The following SERGEF variants were observed in gnomAD, a reference collection of about 807,000 sequenced individuals.
The protein encoded by SERGEF is secretion-regulating guanine nucleotide exchange factor.
SERGEF carries 51 observed loss-of-function variants against 50.0 expected under a neutral mutation model. The observed-to-expected ratio is 1.02, with a 90% CI of 0.81 to 1.29. SERGEF has a LOEUF of 1.29. SERGEF is among the 50% of genes most tolerant of loss of function. SERGEF has a pLI of 0.00. For missense variants in SERGEF, 521 were observed against 557.0 expected (o/e 0.94, Z 0.65); for synonymous variants, 205 against 212.4 (o/e 0.97, Z 0.30).
chr11:17,974,827 T>C (rs1331970829), intron 8 of SERGEF, among the ~76,000 whole-genome samples: 1 of 152,222 alleles, frequency 6.6e-6, no homozygotes, highest in Non-Finnish European at 1.5e-5. Context: ...CTGATATTAA[T>C]TGGTGCTGTA....
chr11:17,929,945 C>T (rs1179044418), intron 9 of SERGEF, among the ~76,000 whole-genome samples: 2 of 152,166 alleles, frequency 1.3e-5, no homozygotes, highest in Non-Finnish European at 1.5e-5. Flanking sequence ...TCTCCAGTTA[C>T]GAGCACAGAG....
intron 9 of SERGEF, among the ~76,000 whole-genome samples, chr11:17,954,190 C>A (rs1357951899): frequency 6.6e-6 from 1 of 152,184 alleles, no homozygotes; most frequent in Non-Finnish European, 1.5e-5. Context: ...AGGTTGTGTT[C>A]AATTCTGTCA....
chr11:17,798,630 A>G (rs2283250), intron 10 of SERGEF, among the ~76,000 whole-genome samples: 63,866 of 152,134 alleles, frequency 0.42, 15,721 homozygotes, highest in East Asian at 0.72. Context: ...AGGTGGAAAC[A>G]TGTTGGCCTG....
chr11:17,946,602 A>G (rs1005927600), intron 9 of SERGEF, among the ~76,000 whole-genome samples: 1 of 152,178 alleles, frequency 6.6e-6, no homozygotes, highest in African/African-American at 2.4e-5. Context: ...TGATAAATGC[A>G]TTATACAGCA....
chr11:17,817,307 C>T (rs1395730605), intron 10 of SERGEF, among the ~76,000 whole-genome samples: 1 of 151,764 alleles, frequency 6.6e-6, no homozygotes, highest in Non-Finnish European at 1.5e-5. Flanking sequence ...TTCCGCCTCC[C>T]GGGTTCATGC....
chr11:17,981,178 T>C (rs1565222109), intron 8 of SERGEF, among the ~76,000 whole-genome samples: 9 of 152,250 alleles, frequency 5.9e-5, no homozygotes. Flanking sequence ...CTACTAAATA[T>C]TTAGTTGCTC....
At chr11:17,956,912 C>G (rs1189622898) in intron 9 of SERGEF, among the ~76,000 whole-genome samples, 1 of 152,130 alleles carries the variant, frequency 6.6e-6, no homozygotes, top group Non-Finnish European at 1.5e-5. Flanking sequence ...CAAGGTGAAC[C>G]CACTCTTAGT....
At chr11:17,997,709 C>T (rs750813368) in intron 5 of SERGEF, among the ~76,000 whole-genome samples, 18 of 152,138 alleles carry the variant, frequency 1.2e-4, no homozygotes, top group Non-Finnish European at 1.9e-4. Flanking sequence ...AGTATCTAAA[C>T]GCCGATATAT....
In SERGEF at chr11:18,013,018, C is replaced by A. The variant is rs1341455148; in HGVS notation, c.-8G>T. 7.3e-7 allele frequency: 1 copy of A among 1,377,942 alleles called. No individual in the cohort carries two copies. Among genetic ancestry groups the A allele is most frequent in the Non-Finnish European group, 9.3e-7 (1 of 1,076,816 alleles). 85.4% of individuals were successfully genotyped at this position (1,377,942 alleles called of 1,614,324 possible). Reference sequence around the variant, plus strand: ...GCTGGGCTCGCGCTCCATGCGAGGACGCTCCGCCGGCGCTTCCGGGAGGGA... The same window carrying A: ...GCTGGGCTCGCGCTCCATGCGAGGAAGCTCCGCCGGCGCTTCCGGGAGGGA... On this transcript the variant is annotated 5_prime_UTR_variant, in exon 1 of 11. Coordinates refer to ENST00000265965, the MANE Select transcript of SERGEF (RefSeq NM_012139.4). The surrounding 1 kb of genome is among the most constrained non-coding windows in gnomAD (Gnocchi z 4.3).
In SERGEF at chr11:18,006,719, A is replaced by T; in HGVS notation, c.224T>A (p.Leu75Gln). The T allele has an allele frequency of 6.2e-7, 1 of 1,614,208 alleles. No individual in the cohort carries two copies. Among genetic ancestry groups the T allele is most frequent in the East Asian group, 2.2e-5 (1 of 44,886 alleles). ...TDGGDLFVCG[L>Q]NKDGQLGLGH... ...AAGCCCCAGTTGCCCATCTTTGTTCAGGCCACAAACAAAGAGGTCTCCTCC... is the reference window on the plus strand; with the variant it reads ...AAGCCCCAGTTGCCCATCTTTGTTCTGGCCACAAACAAAGAGGTCTCCTCC... Residue 75 changes from leucine to glutamine, a missense_variant, in exon 3 of 11, where the codon CTG becomes CAG. Transcript: ENST00000265965.
At chr11:17,829,516 G>A (rs1234374622) in intron 10 of SERGEF, among the ~76,000 whole-genome samples, 2 of 152,060 alleles carry the variant, frequency 1.3e-5, no homozygotes, top group Admixed American at 6.5e-5. Flanking sequence ...AAAACACAAA[G>A]AAGACCATGA....
At chr11:17,805,219 T>C (rs1380484742) in intron 10 of SERGEF, among the ~76,000 whole-genome samples, 1 of 152,206 alleles carries the variant, frequency 6.6e-6, no homozygotes, top group Non-Finnish European at 1.5e-5. Flanking sequence ...GCTCTGCCAT[T>C]AACTCAACAC....
At chr11:17,970,386 C>A (rs1488250352) in intron 8 of SERGEF, among the ~76,000 whole-genome samples, 1 of 152,188 alleles carries the variant, frequency 6.6e-6, no homozygotes, top group Non-Finnish European at 1.5e-5. Flanking sequence ...GACTGCTCCA[C>A]CGACCAGCCC....
At chr11:17,877,341 C>T (rs879851527) in intron 10 of SERGEF, among the ~76,000 whole-genome samples, 3 of 152,152 alleles carry the variant, frequency 2.0e-5, no homozygotes, top group Non-Finnish European at 4.4e-5. Context: ...GAAACTAAAG[C>T]CTAGCGGAGG....
At chr11:17,947,671 A>T (rs1852689823) in intron 9 of SERGEF, among the ~76,000 whole-genome samples, 1 of 152,176 alleles carries the variant, frequency 6.6e-6, no homozygotes, top group African/African-American at 2.4e-5. Flanking sequence ...GAAAACCACC[A>T]TCCAGTCACC....
chr11:17,982,052 G>A (rs1432530870), intron 8 of SERGEF, among the ~76,000 whole-genome samples: 1 of 152,104 alleles, frequency 6.6e-6, no homozygotes, highest in Non-Finnish European at 1.5e-5. Context: ...AGATCCACCT[G>A]CCTCAGCCTC....
At chr11:17,793,571 C>A (rs1849521327) in intron 10 of SERGEF, among the ~76,000 whole-genome samples, 1 of 152,196 alleles carries the variant, frequency 6.6e-6, no homozygotes, top group Admixed American at 6.5e-5. Context: ...CTACAGAAAG[C>A]CTCTCCCTAA....
intron 10 of SERGEF, among the ~76,000 whole-genome samples, chr11:17,823,296 A>G (rs1298125337): frequency 6.6e-6 from 1 of 152,182 alleles, no homozygotes; most frequent in East Asian, 1.9e-4. Context: ...GTTATATACT[A>G]TCAACATGAT....
intron 10 of SERGEF, among the ~76,000 whole-genome samples, chr11:17,799,300 C>T (rs1039276988): frequency 1.3e-5 from 2 of 152,150 alleles, no homozygotes; most frequent in African/African-American, 2.4e-5. Flanking sequence ...AGGCCAAGTC[C>T]ACTTCCCCTT....
Sources: gnomAD v4.1 joint callset for allele counts (sites outside exome capture counted in the v4.1 genomes callset) on GRCh38, gnomAD v4.1.1 for gene constraint, Gnocchi (gnomAD v3.1) non-coding constraint, MANE v1.5 for transcripts, NCBI Gene and HGNC (gene_info 2026-07-23, HGNC 2026-07-21) for gene names.